Variants in HTT observed in about 807,000 individuals in gnomAD.
The protein encoded by HTT is huntington disease protein.
HTT carries 104 observed loss-of-function variants against 362.3 expected under a neutral mutation model. The ratio of observed to expected loss-of-function variants is 0.29; its 90% CI spans 0.24 to 0.34. The LOEUF is 0.34. HTT is among the 10% of genes least tolerant of loss of function. The pLI is 1.00. For missense variants in HTT, 3,301 were observed against 3,928.6 expected (o/e 0.84, Z 4.27); for synonymous variants, 1,577 against 1,548.7 (o/e 1.02, Z -0.43).
At chr4:3,125,449 A>G (rs183050998) in intron 10 of HTT, 100 bp from the exon 11 acceptor site, 1 of 709,040 alleles carries the variant, frequency 1.4e-6, no homozygotes, top group East Asian at 2.7e-5. Context: ...ATTAGAGTAA[A>G]TTAAATATTC....
In HTT at chr4:3,187,898, A is replaced by T; in HGVS notation, c.5225+12A>T. 2.0e-6 allele frequency: 3 copies of T among 1,528,898 alleles called. No homozygotes were observed. Among genetic ancestry groups the T allele is most frequent in the Non-Finnish European group, 2.7e-6 (3 of 1,105,250 alleles). The allele number at this position is 1,528,898 out of a possible 1,614,324, so 94.7% of individuals were successfully genotyped here. On this transcript the variant is annotated intron_variant, in intron 39 of 66. Coordinates refer to ENST00000355072, the MANE Select transcript of HTT (RefSeq NM_001388492.1). ...GAAACATTTTCAAGGTATGCTTTCT[A>T]TCTGAGCCTATAACTAACCCATGCC...
rs778618061 is a variant in HTT at position 3,131,337 on chromosome 4, C to T, written c.2038C>T (p.Pro680Ser). The T allele has an allele frequency of 3.1e-5, 50 of 1,613,944 alleles. 1 individual carries two copies. In the Admixed American group the frequency reaches 7.2e-4, roughly 23 times the overall value. Residue 680 changes from proline (P) to serine (S), a missense_variant, in exon 15 of 67, where the codon CCT becomes TCT. Pro to Ser is a moderately conservative substitution (Grantham distance 74). This residue lies in a region of HTT where 2,316 missense variants were observed against 2,658.5 expected (regional missense o/e 0.87). Transcript: ENST00000355072. The stretch of plus-strand genomic sequence containing the variant: ...ACAGTCCACTGATGATGACTCTGCA[C>T]CTCTTGTCCATTGTGTCCGCCTTTT... ...IGQSTDDDSA[P>S]LVHCVRLLSA...
chr4:3,163,528 A>G (rs1045153327), intron 29 of HTT, among the ~76,000 whole-genome samples: 7 of 152,206 alleles, frequency 4.6e-5, no homozygotes, highest in African/African-American at 4.8e-5. Flanking sequence ...TACCTCTGGT[A>G]GAATTCGGCT....
intron 60 of HTT, among the ~76,000 whole-genome samples, chr4:3,231,390 C>A (rs951662535): frequency 6.6e-6 from 1 of 152,106 alleles, no homozygotes; most frequent in African/African-American, 2.4e-5. Context: ...CTCTTCCTCC[C>A]GCACCCCCAC....
rs879259916 is a variant in HTT at position 3,179,590 on chromosome 4, T to C, written c.4613-925T>C. 1.0e-4 allele frequency among the ~76,000 whole-genome samples: 15 copies of C among 148,884 alleles called. 1 individual carries two copies. In the Middle Eastern group the frequency reaches 0.014, roughly 138 times the overall value. On this transcript the variant is annotated intron_variant, in intron 35 of 66. Coordinates refer to ENST00000355072, the MANE Select transcript of HTT (RefSeq NM_001388492.1). ...CTGAGGGGTCAGAGGGTGCCTCGCG[T>C]GTGTGTGTGTGTACGTGTGTGTGTG...
At chr4:3,216,387 C>A (rs1286557313) in intron 51 of HTT, among the ~76,000 whole-genome samples, 1 of 152,324 alleles carries the variant, frequency 6.6e-6, no homozygotes, top group Middle Eastern at 3.4e-3. Flanking sequence ...CCGAGTGGCA[C>A]CTCAGGCTGT....
chr4:3,233,509 G>T (rs116254395), intron 61 of HTT, among the ~76,000 whole-genome samples, 156 bp downstream of exon 61: 1 of 152,208 alleles, frequency 6.6e-6, no homozygotes, highest in Non-Finnish European at 1.5e-5. Flanking sequence ...TCAGTGAGAC[G>T]CAAGAGCACA....
chr4:3,179,868 T>C (rs935096654), intron 35 of HTT, among the ~76,000 whole-genome samples: 9 of 149,774 alleles, frequency 6.0e-5, no homozygotes, highest in Non-Finnish European at 8.9e-5. Flanking sequence ...GTGTGTGTGC[T>C]CATGTGTGAG....
chr4:3,239,387 C>G (rs1461997821), intron 66 of HTT, among the ~76,000 whole-genome samples: 1 of 151,274 alleles, frequency 6.6e-6, no homozygotes, highest in Admixed American at 6.6e-5. Context: ...AAGTAAAGAT[C>G]CAGTTCCCAC....
Position 3,173,061 on chromosome 4 carries a change from T to C in HTT, c.4096T>C (p.Phe1366Leu). Residue 1366 changes from phenylalanine (F) to leucine (L), a missense_variant, in exon 31 of 67, where the codon TTC becomes CTC. By Grantham distance (22) the Phe-to-Leu change is conservative. This residue lies in a region of HTT where 2,316 missense variants were observed against 2,658.5 expected (regional missense o/e 0.87). Coordinates refer to ENST00000355072, the MANE Select transcript of HTT (RefSeq NM_001388492.1). ...CTGCTTCATGGCCCCGTACACCCAC[T>C]TCACCCAGGCCCTCGCTGACGCCAG... ...HYCFMAPYTH[F>L]TQALADASLR... 1 of 1,614,088 alleles carries C rather than the reference T, an allele frequency of 6.2e-7. No individual in the cohort carries two copies. Among genetic ancestry groups the C allele is most frequent in the Non-Finnish European group, 8.5e-7 (1 of 1,180,028 alleles).
In HTT at chr4:3,240,766, C is replaced by T. The variant is rs2110309872; in HGVS notation, c.*707C>T. The T allele has an allele frequency of 6.5e-6, 1 of 153,154 alleles. No homozygotes were observed. The highest frequency in any genetic ancestry group is 1.5e-5 in the Non-Finnish European group (1 of 68,400). The allele number at this position is 153,154 out of a possible 1,614,324, so 9.5% of individuals were successfully genotyped here. A position where few individuals can be genotyped will look rare whatever the true frequency, so the allele number is the denominator to read the frequency against. On this transcript the variant is annotated 3_prime_UTR_variant, in exon 67 of 67. Transcript: ENST00000355072. The stretch of plus-strand genomic sequence containing the variant: ...CCGGCCACGCTCCCTCTCCTGTAGC[C>T]ACTGGCATAGCCCTCCTGAGCACCC...
intron 47 of HTT, 94 bp from the exon 48 acceptor site, chr4:3,211,835 T>G (rs1291516889): frequency 2.3e-6 from 2 of 881,388 alleles, no homozygotes; most frequent in South Asian, 1.5e-5. Flanking sequence ...CAGAAACATT[T>G]GCCTTATTCT....
In HTT at chr4:3,225,751, T is replaced by TCG. The variant is rs1481640156; in HGVS notation, c.7848+12_7848+13dup. The TCG allele has an allele frequency of 6.2e-7, 1 of 1,610,714 alleles. No individual in the cohort carries two copies. The highest frequency in any genetic ancestry group is 1.3e-5 in the African/African-American group (1 of 74,890). ...AGCTACAAACTCGGCCAGGTCAGTC[T>TCG]CGCGCCCCCGCCGCCTGGCCTCTGT... On this transcript the variant is annotated intron_variant, in intron 57 of 66. Transcript: ENST00000355072.
In HTT at chr4:3,178,419, G is replaced by T. The variant is rs751283431; in HGVS notation, c.4585G>T (p.Ala1529Ser). The T allele has an allele frequency of 6.2e-7, 1 of 1,613,822 alleles. No homozygotes were observed. Among genetic ancestry groups the T allele is most frequent in the East Asian group, 2.2e-5 (1 of 44,878 alleles). Residue 1529 changes from alanine (A) to serine (S), a missense_variant, in exon 35 of 67, where the codon GCC (alanine) becomes TCC (serine). Coordinates refer to ENST00000355072, the MANE Select transcript of HTT (RefSeq NM_001388492.1). ...KIIQLCDGIM[A>S]SGRKAVTHAI... is the part of the protein sequence containing the mutation. ...CATTCAGCTCTGTGATGGCATCATG[G>T]CCAGTGGAAGGAAGGCTGTGACACA...
At chr4:3,239,019 G>T (rs775775090) in intron 66 of HTT, 41 bp downstream of exon 66, 23 of 1,559,316 alleles carry the variant, frequency 1.5e-5, no homozygotes, top group Non-Finnish European at 8.7e-7. Context: ...CGTTTCCCTT[G>T]TCAACACCGA....
chr4:3,074,926 A>AGCG lies in HTT; in HGVS notation c.103_104insGGC (p.Gln34_Gln35insArg). 6.8e-7 allele frequency: 1 copy of AGCG among 1,464,926 alleles called. No individual in the cohort carries two copies. Among genetic ancestry groups the AGCG allele is most frequent in the Non-Finnish European group, 9.0e-7 (1 of 1,107,450 alleles). The allele number at this position is 1,464,926 out of a possible 1,614,324, so 90.7% of individuals were successfully genotyped here. A position where few individuals can be genotyped will look rare whatever the true frequency, so the allele number is the denominator to read the frequency against. On this transcript the variant is annotated inframe_insertion, in exon 1 of 67. Coordinates refer to ENST00000355072, the MANE Select transcript of HTT (RefSeq NM_001388492.1). Reference sequence around the variant, plus strand: ...CAGCAGCAGCAGCAGCAGCAGCAGCAGCAGCAGCAACAGCCGCCACCGCCG... The same window carrying AGCG: ...CAGCAGCAGCAGCAGCAGCAGCAGCAGCGGCAGCAGCAACAGCCGCCACCGCCG...
intron 66 of HTT, among the ~76,000 whole-genome samples, chr4:3,239,318 A>G (rs1391864862): frequency 1.3e-5 from 2 of 152,020 alleles, no homozygotes; most frequent in African/African-American, 4.8e-5. Context: ...GCTTCTCCTG[A>G]CACTGCTTCT....
In HTT at chr4:3,180,523, G is replaced by T; in HGVS notation, c.4621G>T (p.Ala1541Ser). The change falls in exon 36 of 67, where the codon GCT (alanine) becomes TCT (serine). Residue 1541 changes from alanine (A) to serine (S), a missense_variant. Transcript: ENST00000355072. ...GRKAVTHAIP[A>S]LQPIVHDLFV... ...CCCTTTTGTCCCCACAGCCATACCG[G>T]CTCTGCAGCCCATAGTCCACGACCT... 2 of 1,602,082 alleles carry T rather than the reference G, an allele frequency of 1.2e-6. No individual in the cohort carries two copies. Among genetic ancestry groups the T allele is most frequent in the South Asian group, 1.1e-5 (1 of 89,042 alleles).
chr4:3,231,293 G>A (rs921192868), intron 60 of HTT, among the ~76,000 whole-genome samples: 1 of 152,190 alleles, frequency 6.6e-6, no homozygotes, highest in African/African-American at 2.4e-5. Context: ...CTCTGGACGG[G>A]CTCCTGTGTG....
Sources: allele counts gnomAD v4.1 joint callset (sites outside exome capture counted in the v4.1 genomes callset), GRCh38; gene constraint gnomAD v4.1.1; regional missense constraint gnomAD v4.1.1; transcripts MANE v1.5; gene names NCBI Gene and HGNC (gene_info 2026-07-23, HGNC 2026-07-21).